Variants in ARHGAP24 observed in about 807,000 individuals in gnomAD.
ARHGAP24 encodes the protein Rho GTPase activating protein 24, also known as rho GTPase-activating protein 24.
ARHGAP24 carries 50 observed loss-of-function variants against 76.4 expected under a neutral mutation model. The observed-to-expected ratio is 0.65, with a 90% confidence interval of 0.52 to 0.83. The LOEUF (loss-of-function observed/expected upper bound fraction) is 0.83, where lower values mean the gene tolerates loss of function less well. Among genes scored for constraint, ARHGAP24 ranks in the 40% least tolerant of loss-of-function variants. The pLI is 0.00. For synonymous variants in ARHGAP24, 345 were observed against 323.3 expected, an observed-to-expected ratio of 1.07 and a Z score of -0.72; for missense variants, 930 against 914.2, an observed-to-expected ratio of 1.02 and a Z score of -0.22.
At chr4:85,626,019 T>C (rs1199913135) in intron 2 of ARHGAP24, among the ~76,000 whole-genome samples, 2 of 152,242 alleles carry the variant, frequency 1.3e-5, no homozygotes, top group Non-Finnish European at 2.9e-5. Flanking sequence ...CTTGACTCTT[T>C]ATCCAATTTG....
chr4:85,552,841 C>T (rs751419934), intron 1 of ARHGAP24, among the ~76,000 whole-genome samples: 9 of 152,064 alleles, frequency 5.9e-5, no homozygotes, highest in East Asian at 1.9e-4. Context: ...GGATAGCAAC[C>T]GCTGCTTGGT....
Position 86,000,758 on chromosome 4 carries a change from A to G in ARHGAP24, c.*36A>G. The G allele has an allele frequency of 6.2e-7, 1 of 1,612,748 alleles. No individual in the cohort carries two copies. The highest frequency in any genetic ancestry group is 2.2e-5 in the East Asian group (1 of 44,816). On this transcript the variant is annotated 3_prime_UTR_variant, in exon 10 of 10. Transcript: ENST00000395184. The stretch of plus-strand genomic sequence containing the variant: ...GCCTGCTGTCTCTGATGGCTCTGGC[A>G]AGGACTCCAGGGATTCTGGTGGGAT...
At chr4:85,629,090 G>A (rs768673794) in intron 2 of ARHGAP24, among the ~76,000 whole-genome samples, 10 of 152,026 alleles carry the variant, frequency 6.6e-5, no homozygotes, top group African/African-American at 2.4e-4. Context: ...GTAGTGGTAC[G>A]TTTTGATTCT....
At chr4:85,897,967 A>C (rs1235570325) in intron 3 of ARHGAP24, among the ~76,000 whole-genome samples, 1 of 149,678 alleles carries the variant, frequency 6.7e-6, no homozygotes, top group Non-Finnish European at 1.5e-5. Context: ...CCTGTATAGA[A>C]ATTTACCTCT....
intron 1 of ARHGAP24, among the ~76,000 whole-genome samples, chr4:85,564,736 A>G (rs947846316): frequency 6.6e-6 from 1 of 150,832 alleles, no homozygotes; most frequent in African/African-American, 2.4e-5. Flanking sequence ...GCAGTTCACA[A>G]TAGGGTTTGA....
At chr4:85,533,592 A>G (rs527765182) in intron 1 of ARHGAP24, among the ~76,000 whole-genome samples, 2 of 152,304 alleles carry the variant, frequency 1.3e-5, no homozygotes, top group South Asian at 4.1e-4. Context: ...TTTATAGCAT[A>G]CAGTAAGGGG....
intron 2 of ARHGAP24, among the ~76,000 whole-genome samples, chr4:85,574,771 T>G (rs894808489): frequency 6.6e-6 from 1 of 152,214 alleles, no homozygotes; most frequent in Non-Finnish European, 1.5e-5. Flanking sequence ...CTGTCTTCAA[T>G]TTTTATTGCT....
chr4:85,698,176 T>C (rs1038669937), intron 2 of ARHGAP24, among the ~76,000 whole-genome samples: 3 of 152,206 alleles, frequency 2.0e-5, no homozygotes, highest in Non-Finnish European at 4.4e-5. Flanking sequence ...AGTTCAGGTA[T>C]ACAGATATTT....
intron 3 of ARHGAP24, among the ~76,000 whole-genome samples, chr4:85,891,018 T>A (rs1660927919): frequency 6.6e-6 from 1 of 151,920 alleles, no homozygotes; most frequent in African/African-American, 2.4e-5. Context: ...GGGGTAACCA[T>A]GAAAAGGTGG....
chr4:85,512,608 A>G (rs976963317), intron 1 of ARHGAP24, among the ~76,000 whole-genome samples: 1 of 152,222 alleles, frequency 6.6e-6, no homozygotes, highest in Non-Finnish European at 1.5e-5. Context: ...TTGGAAATTT[A>G]GGGGCTCCCT....
intron 8 of ARHGAP24, among the ~76,000 whole-genome samples, chr4:85,982,738 T>G (rs555619999): frequency 1.3e-5 from 2 of 152,150 alleles, no homozygotes; most frequent in Non-Finnish European, 2.9e-5. Context: ...TAGAAAGTTG[T>G]TTTTTGTGTG....
At chr4:85,564,364 AG>A (rs1243498419) in intron 1 of ARHGAP24, among the ~76,000 whole-genome samples, 16 of 140,636 alleles carry the variant, frequency 1.1e-4, no homozygotes, top group Non-Finnish European at 1.7e-4. Context: ...GGACACAGGA[AG>A]GGGAACATCA....
chr4:85,617,967 T>C (rs1720595282), intron 2 of ARHGAP24, among the ~76,000 whole-genome samples: 1 of 152,218 alleles, frequency 6.6e-6, no homozygotes, highest in South Asian at 2.1e-4. Flanking sequence ...TACATCCACC[T>C]CCTCACGTAG....
In ARHGAP24 at chr4:85,509,260, G is replaced by T. The variant is rs539184485; in HGVS notation, c.-21+33701G>T. On this transcript the variant is annotated intron_variant, in intron 1 of 9. Transcript: ENST00000395184. Reference sequence around the variant, plus strand: ...ACCTAATGCTAAATGATGAGTTAATGGGTGCAGCACACCAGCATGGCACAT... The same window carrying T: ...ACCTAATGCTAAATGATGAGTTAATTGGTGCAGCACACCAGCATGGCACAT... Among the ~76,000 whole-genome samples, 7 of 150,550 alleles carry T rather than the reference G, an allele frequency of 4.6e-5. No individual in the cohort carries two copies. In the East Asian group the frequency reaches 1.4e-3, roughly 30 times the overall value.
At chr4:85,535,375 G>C (rs1228400498) in intron 1 of ARHGAP24, among the ~76,000 whole-genome samples, 1 of 152,102 alleles carries the variant, frequency 6.6e-6, no homozygotes, top group Non-Finnish European at 1.5e-5. Flanking sequence ...GTGGGAATCA[G>C]ATATGTATGG....
intron 3 of ARHGAP24, among the ~76,000 whole-genome samples, chr4:85,818,907 C>G (rs1227440429): frequency 6.6e-6 from 1 of 152,104 alleles, no homozygotes; most frequent in Non-Finnish European, 1.5e-5. Context: ...CTTTGTCTTT[C>G]CTTCTCTCCC....
intron 3 of ARHGAP24, among the ~76,000 whole-genome samples, chr4:85,748,259 C>T (rs945273632): frequency 7.2e-5 from 11 of 152,174 alleles, no homozygotes; most frequent in Non-Finnish European, 1.3e-4. Flanking sequence ...CTTGTTTCTC[C>T]GAGCATATGG....
intron 2 of ARHGAP24, among the ~76,000 whole-genome samples, chr4:85,681,782 CT>C (rs2110010444): frequency 6.6e-6 from 1 of 152,270 alleles, no homozygotes; most frequent in South Asian, 2.1e-4. Context: ...GAAGTCATGC[CT>C]TTTACTTAGC....
At chr4:85,866,662 C>T (rs1414577859) in intron 3 of ARHGAP24, among the ~76,000 whole-genome samples, 2 of 152,102 alleles carry the variant, frequency 1.3e-5, no homozygotes, top group Non-Finnish European at 2.9e-5. Flanking sequence ...AGGCACTGCT[C>T]ACCACTCATC....
Sources: gnomAD v4.1 joint callset for allele counts (sites outside exome capture counted in the v4.1 genomes callset) on GRCh38, gnomAD v4.1.1 for gene constraint, MANE v1.5 for transcripts, NCBI Gene and HGNC (gene_info 2026-07-23, HGNC 2026-07-21) for gene names.